Variants in PFDN4 observed in about 807,000 individuals in gnomAD.
PFDN4 encodes the protein prefoldin 4.
PFDN4 carries 6 observed loss-of-function variants against 17.6 expected under a neutral mutation model. That is an observed-to-expected ratio of 0.34 (90% CI 0.19 to 0.67). PFDN4 has a LOEUF of 0.67. Among genes scored for constraint, PFDN4 ranks in the 30% least tolerant of loss-of-function variants. The pLI, the probability that PFDN4 is intolerant of heterozygous loss-of-function variation, is 0.68. For synonymous variants in PFDN4, 48 were observed against 51.1 expected, an observed-to-expected ratio of 0.94 and a Z score of 0.26; for missense variants, 119 against 158.4, an observed-to-expected ratio of 0.75 and a Z score of 1.33.
chr20:54,213,201 A>G (rs1028542722), intron 1 of PFDN4, among the ~76,000 whole-genome samples: 3 of 152,226 alleles, frequency 2.0e-5, no homozygotes, highest in African/African-American at 4.8e-5. Flanking sequence ...AGTATGAACT[A>G]TTTTTATACA....
chr20:54,218,013 G>A (rs995188545), intron 3 of PFDN4, among the ~76,000 whole-genome samples: 1 of 152,066 alleles, frequency 6.6e-6, no homozygotes, highest in African/African-American at 2.4e-5. Context: ...CGGGGCCACC[G>A]TTTGAGAACC....
At chr20:54,208,577 A>G (rs1246168138) in intron 1 of PFDN4, 1 of 159,662 alleles carries the variant, frequency 6.3e-6, no homozygotes, top group Non-Finnish European at 1.4e-5. Context: ...ACTGAGGCCC[A>G]GAGATGGGGA....
intron 3 of PFDN4, 94 bp from the exon 4 acceptor site, chr20:54,218,925 C>A: frequency 2.5e-6 from 2 of 795,676 alleles, no homozygotes; most frequent in South Asian, 3.7e-5. Flanking sequence ...TTAGAAGGTT[C>A]TTGACCTAAA....
chr20:54,212,076 T>G (rs568528190), intron 1 of PFDN4, among the ~76,000 whole-genome samples: 1 of 151,816 alleles, frequency 6.6e-6, no homozygotes, highest in East Asian at 1.9e-4. Flanking sequence ...GCATGTAATC[T>G]CAGCTACTTG....
chr20:54,214,915 A>C (rs576185607), intron 2 of PFDN4, among the ~76,000 whole-genome samples: 2 of 152,364 alleles, frequency 1.3e-5, no homozygotes, highest in East Asian at 3.9e-4. Context: ...GCATGCTGGC[A>C]GAACTTTCAT....
rs1394293417 is a variant in PFDN4 at position 54,214,465 on chromosome 20, A to C, written c.132+7A>C. 7 of 1,337,238 alleles carry C rather than the reference A, an allele frequency of 5.2e-6. No homozygotes were observed. The highest frequency in any genetic ancestry group is 7.3e-6 in the Non-Finnish European group (7 of 956,250). The allele number at this position is 1,337,238 out of a possible 1,614,324, so 82.8% of individuals were successfully genotyped here. A position where few individuals can be genotyped will look rare whatever the true frequency, so the allele number is the denominator to read the frequency against. On this transcript the variant is annotated splice_region_variant and intron_variant, in intron 2 of 3. Coordinates refer to ENST00000371419, the MANE Select transcript of PFDN4 (RefSeq NM_002623.4). ...AGAAATAGAAGTAAAAAAGGTATTG[A>C]AAATAATTATTAGAAGAATAAAATT...
chr20:54,208,319 G>T, intron 1 of PFDN4, 195 bp downstream of exon 1: 1 of 470,090 alleles, frequency 2.1e-6, no homozygotes. Context: ...TAGGCACCTG[G>T]CCAGCCGAGG....
At chr20:54,208,926 G>C (rs2092752090) in intron 1 of PFDN4, 1 of 152,172 alleles carries the variant, frequency 6.6e-6, no homozygotes, top group Non-Finnish European at 1.5e-5. Context: ...GTTTGTTTTT[G>C]TTTTTCTCAA....
intron 1 of PFDN4, among the ~76,000 whole-genome samples, chr20:54,214,014 A>C (rs1425682856): frequency 6.6e-6 from 1 of 151,968 alleles, no homozygotes; most frequent in East Asian, 1.9e-4. Flanking sequence ...TTCCTGGGTC[A>C]TCTTAATGAA....
Position 54,219,673 on chromosome 20 carries a change from ATATC to A in PFDN4, c.*528_*531del, listed in dbSNP as rs1028358123. The A allele has an allele frequency of 1.0e-5, 4 of 397,936 alleles. No individual in the cohort carries two copies. The highest frequency in any genetic ancestry group is 3.6e-5 in the East Asian group (1 of 27,996). 24.7% of individuals were successfully genotyped at this position (397,936 alleles called of 1,614,324 possible). A position where few individuals can be genotyped will look rare whatever the true frequency, so the allele number is the denominator to read the frequency against. On this transcript the variant is annotated 3_prime_UTR_variant, in exon 4 of 4. Coordinates refer to ENST00000371419, the MANE Select transcript of PFDN4 (RefSeq NM_002623.4). ...AACATACATATTTAACATTTTTTAC[ATATC>A]TATCAATATCAGAGATTTGGGTAAA... is the stretch of plus-strand genomic sequence containing the variant.
chr20:54,217,017 G>T (rs992699671), intron 3 of PFDN4, among the ~76,000 whole-genome samples: 1 of 152,126 alleles, frequency 6.6e-6, no homozygotes, highest in Non-Finnish European at 1.5e-5. Flanking sequence ...TGCTTACTCT[G>T]TATCAGGTTC....
intron 3 of PFDN4, among the ~76,000 whole-genome samples, chr20:54,218,123 T>C (rs1195974683): frequency 6.6e-6 from 1 of 151,900 alleles, no homozygotes; most frequent in African/African-American, 2.4e-5. Flanking sequence ...TATTTTTTTG[T>C]CATGTTTAGG....
chr20:54,214,557 T>G (rs549955882), intron 2 of PFDN4, 99 bp downstream of exon 2: 1 of 595,936 alleles, frequency 1.7e-6, no homozygotes, highest in Admixed American at 3.3e-5. Flanking sequence ...CTGGGCTGTT[T>G]GTTGCAGATG....
Position 54,215,354 on chromosome 20 carries a change from G to C in PFDN4, c.187G>C (p.Asp63His). 6.2e-7 allele frequency: 1 copy of C among 1,603,888 alleles called. No homozygotes were observed. The highest frequency in any genetic ancestry group is 2.2e-5 in the East Asian group (1 of 44,692). Residue 63 changes from aspartate (D) to histidine (H), a missense_variant, in exon 3 of 4, where the codon GAT (aspartate) becomes CAT (histidine). Physicochemically the swap from Asp to His is moderately conservative, Grantham distance 81. Transcript: ENST00000371419. ...ACDDIMLADD[D>H]CLMIPYQIGD... is the part of the protein sequence containing the mutation. The stretch of plus-strand genomic sequence containing the variant: ...TGATGACATCATGCTTGCAGATGAT[G>C]ATTGCTTAATGATACCTTATCAAAT...
chr20:54,215,803 A>G (rs961272348), intron 3 of PFDN4, among the ~76,000 whole-genome samples: 2 of 152,374 alleles, frequency 1.3e-5, no homozygotes, highest in African/African-American at 4.8e-5. Context: ...GTAACCATTC[A>G]TAGTGAACAT....
intron 1 of PFDN4, among the ~76,000 whole-genome samples, chr20:54,209,239 CTG>C (rs1306155534): frequency 8.5e-5 from 13 of 152,166 alleles, no homozygotes; most frequent in South Asian, 2.1e-4. Context: ...ACTCCGGAGT[CTG>C]TGTTTTAAAC....
intron 1 of PFDN4, among the ~76,000 whole-genome samples, chr20:54,210,151 A>G (rs1313530274): frequency 6.6e-6 from 1 of 152,214 alleles, no homozygotes; most frequent in Non-Finnish European, 1.5e-5. Flanking sequence ...GAGTGCATTT[A>G]ATACAAGGAA....
chr20:54,216,858 T>C (rs887947376), intron 3 of PFDN4, among the ~76,000 whole-genome samples: 7 of 152,052 alleles, frequency 4.6e-5, no homozygotes, highest in African/African-American at 1.7e-4. Context: ...GGTTTCACCA[T>C]GTTGGGCAGA....
intron 2 of PFDN4, among the ~76,000 whole-genome samples, chr20:54,215,005 G>A (rs1333870712): frequency 6.6e-6 from 1 of 152,138 alleles, no homozygotes; most frequent in East Asian, 1.9e-4. Flanking sequence ...TGTTTTTGTA[G>A]GAAGGCAGAA....
Sources: gnomAD v4.1 joint callset for allele counts (sites outside exome capture counted in the v4.1 genomes callset) on GRCh38, gnomAD v4.1.1 for gene constraint, MANE v1.5 for transcripts, NCBI Gene and HGNC (gene_info 2026-07-23, HGNC 2026-07-21) for gene names.